SLC38A1: variants seen among roughly 807,000 people sequenced by gnomAD.
The protein encoded by SLC38A1 is sodium-coupled neutral amino acid symporter 1.
A neutral mutation model predicts 60.3 loss-of-function variants in SLC38A1; 18 were observed. The observed-to-expected ratio is 0.30, with a 90% CI of 0.21 to 0.44. The LOEUF is 0.44. SLC38A1 is among the 20% of genes least tolerant of loss of function. The pLI, the probability that SLC38A1 is intolerant of heterozygous loss-of-function variation, is 1.00. For missense variants in SLC38A1, 448 were observed against 587.2 expected, an observed-to-expected ratio of 0.76 and a Z score of 2.45; for synonymous variants, 196 against 212.1, an observed-to-expected ratio of 0.92 and a Z score of 0.66.
chr12:46,237,754 C>T (rs1296409318), intron 3 of SLC38A1, among the ~76,000 whole-genome samples: 1 of 151,812 alleles, frequency 6.6e-6, no homozygotes, highest in Non-Finnish European at 1.5e-5. Context: ...AAATGACTCC[C>T]ACCTTTAAGG....
chr12:46,199,727 C>T (rs948624047), intron 13 of SLC38A1, among the ~76,000 whole-genome samples: 2 of 152,050 alleles, frequency 1.3e-5, no homozygotes, highest in Non-Finnish European at 2.9e-5. Context: ...ACTAACAAAG[C>T]TAGAATGGCA....
At chr12:46,215,354 T>G (rs1940357581) in intron 5 of SLC38A1, among the ~76,000 whole-genome samples, 1 of 152,186 alleles carries the variant, frequency 6.6e-6, no homozygotes, top group Admixed American at 6.5e-5. Flanking sequence ...GGATGCTGAC[T>G]AGCTTCCAGT....
At chr12:46,231,144 T>C (rs1358745577) in intron 3 of SLC38A1, among the ~76,000 whole-genome samples, 3 of 152,188 alleles carry the variant, frequency 2.0e-5, no homozygotes, top group Non-Finnish European at 4.4e-5. Context: ...ATCATGTCTT[T>C]TGCAGCAACG....
chr12:46,208,923 C>T, intron 6 of SLC38A1, 131 bp downstream of exon 6: 1 of 648,418 alleles, frequency 1.5e-6, no homozygotes, highest in African/African-American at 1.9e-5. Context: ...GTCTTCCAAT[C>T]ACTCTAGGTC....
chr12:46,246,511 G>A (rs879732977), intron 1 of SLC38A1, among the ~76,000 whole-genome samples: 7 of 152,252 alleles, frequency 4.6e-5, no homozygotes, highest in Non-Finnish European at 7.3e-5. Context: ...AAGGAAGCTC[G>A]AACTGGGTGG....
intron 5 of SLC38A1, 148 bp from the exon 6 acceptor site, chr12:46,209,275 T>A: frequency 1.9e-6 from 1 of 527,258 alleles, no homozygotes; most frequent in Non-Finnish European, 3.3e-6. Flanking sequence ...ATCCCTGCTT[T>A]AAAATCCTCA....
chr12:46,229,546 C>A lies in SLC38A1; in HGVS notation c.198+18G>T. The A allele has an allele frequency of 1.3e-6, 2 of 1,570,886 alleles. No individual in the cohort carries two copies. Among genetic ancestry groups the A allele is most frequent in the South Asian group, 2.2e-5 (2 of 89,950 alleles). On this transcript the variant is annotated intron_variant, in intron 4 of 16. Transcript: ENST00000398637. ...TATGATTAAAAAAATAAGCATACTT[C>A]ATTATAATGATACTTACATACTCAT... is the stretch of plus-strand genomic sequence containing the variant.
chr12:46,202,887 G>T, intron 12 of SLC38A1, 123 bp downstream of exon 12: 1 of 644,628 alleles, frequency 1.6e-6, no homozygotes, highest in Non-Finnish European at 2.7e-6. Context: ...GTGAGTAAAT[G>T]TTGAAGCTGG....
At chr12:46,196,196 C>T (rs1939368929) in intron 16 of SLC38A1, 1 of 1,536,040 alleles carries the variant, frequency 6.5e-7, no homozygotes, top group Admixed American at 2.0e-5. Context: ...TGAGCATGTT[C>T]AGTGAGAGCG....
At chr12:46,195,939 T>G in intron 16 of SLC38A1, 1 of 451,332 alleles carries the variant, frequency 2.2e-6, no homozygotes, top group Non-Finnish European at 4.1e-6. Context: ...TTGCTTCAGC[T>G]CACCTTCCAT....
At chr12:46,190,166 C>T (rs12422328) in intron 16 of SLC38A1, among the ~76,000 whole-genome samples, 30,362 of 152,034 alleles carry the variant, frequency 0.2, 4,020 homozygotes, top group African/African-American at 0.38. Flanking sequence ...CAACTCCCAC[C>T]TATGAGTGAA....
chr12:46,230,870 C>A (rs1048103825), intron 3 of SLC38A1, among the ~76,000 whole-genome samples: 1 of 152,170 alleles, frequency 6.6e-6, no homozygotes, highest in Non-Finnish European at 1.5e-5. Flanking sequence ...TTAAGACAGT[C>A]TCTATGGAAA....
At chr12:46,239,497 G>T (rs972816398) in intron 3 of SLC38A1, 182 bp downstream of exon 3, 2 of 510,008 alleles carry the variant, frequency 3.9e-6, no homozygotes, top group Admixed American at 3.3e-5. Context: ...CTAATTTTTT[G>T]TATTTTTAGT....
intron 16 of SLC38A1, among the ~76,000 whole-genome samples, chr12:46,191,889 G>C (rs1248278520): frequency 6.6e-6 from 1 of 152,132 alleles, no homozygotes; most frequent in African/African-American, 2.4e-5. Flanking sequence ...GAGACAATTT[G>C]ACTTCCTCCT....
In SLC38A1 at chr12:46,229,651, T is replaced by C; in HGVS notation, c.123-12A>G. ...CAGAAATAAACTTGCTGTAAAGACA[T>C]GCGTAATATATTTAACCTTATGATA... is the stretch of plus-strand genomic sequence containing the variant. On this transcript the variant is annotated splice_polypyrimidine_tract_variant and intron_variant, in intron 3 of 16. Coordinates refer to ENST00000398637, the MANE Select transcript of SLC38A1 (RefSeq NM_030674.4). 6.2e-7 allele frequency: 1 copy of C among 1,606,582 alleles called. No individual in the cohort carries two copies. Among genetic ancestry groups the C allele is most frequent in the Non-Finnish European group, 8.5e-7 (1 of 1,173,758 alleles).
chr12:46,234,085 A>T (rs1020959905), intron 3 of SLC38A1, among the ~76,000 whole-genome samples: 2 of 151,990 alleles, frequency 1.3e-5, no homozygotes, highest in Admixed American at 6.6e-5. Context: ...TCAGTTCAAA[A>T]CCCTCATCAT....
At chr12:46,238,866 C>T (rs1941346441) in intron 3 of SLC38A1, among the ~76,000 whole-genome samples, 1 of 152,142 alleles carries the variant, frequency 6.6e-6, no homozygotes, top group Non-Finnish European at 1.5e-5. Flanking sequence ...TACTATGTCT[C>T]TATTATAGTT....
At chr12:46,257,218 A>G (rs1942060923) in intron 1 of SLC38A1, among the ~76,000 whole-genome samples, 1 of 152,210 alleles carries the variant, frequency 6.6e-6, no homozygotes, top group South Asian at 2.1e-4. Flanking sequence ...ACCCACAGCC[A>G]TCAGCAGAGA....
At chr12:46,208,914 T>C (rs1940027056) in intron 6 of SLC38A1, 140 bp downstream of exon 6, 2 of 621,344 alleles carry the variant, frequency 3.2e-6, no homozygotes, top group Non-Finnish European at 5.7e-6. Context: ...CTACTATAGG[T>C]CTTCCAATCA....
Sources: gnomAD v4.1 joint callset for allele counts (sites outside exome capture counted in the v4.1 genomes callset) on GRCh38, gnomAD v4.1.1 for gene constraint, MANE v1.5 for transcripts, NCBI Gene and HGNC (gene_info 2026-07-23, HGNC 2026-07-21) for gene names.